Variants in CEP112 observed in about 807,000 individuals in gnomAD.
CEP112 encodes the protein centrosomal protein of 112 kDa.
CEP112 carries 127 observed loss-of-function variants against 153.0 expected under a neutral mutation model. The observed-to-expected ratio is 0.83, with a 90% CI of 0.72 to 0.96. The LOEUF (loss-of-function observed/expected upper bound fraction) is 0.96. Ranked by LOEUF, CEP112 falls within the 40% of genes least tolerant of loss-of-function variation. The pLI is 0.00. For synonymous variants in CEP112, 358 were observed against 374.4 expected (o/e 0.96, Z 0.51); for missense variants, 1,089 against 1,101.2 (o/e 0.99, Z 0.16).
intron 16 of CEP112, among the ~76,000 whole-genome samples, chr17:66,011,176 T>C (rs1050873363): frequency 6.6e-6 from 1 of 152,096 alleles, no homozygotes; most frequent in Non-Finnish European, 1.5e-5. Flanking sequence ...TACTTCCTGG[T>C]TCAGTATTGG....
At chr17:66,076,443 C>A (rs1307617728) in intron 8 of CEP112, among the ~76,000 whole-genome samples, 1 of 152,104 alleles carries the variant, frequency 6.6e-6, no homozygotes, top group Admixed American at 6.5e-5. Flanking sequence ...CCTTCCCTCA[C>A]TTCCCTGACA....
intron 24 of CEP112, among the ~76,000 whole-genome samples, chr17:65,650,261 G>A (rs1301338442): frequency 6.6e-6 from 1 of 152,138 alleles, no homozygotes; most frequent in East Asian, 1.9e-4. Flanking sequence ...GCAGATCTAG[G>A]CACCCAGGGG....
intron 13 of CEP112, 51 bp from the exon 14 acceptor site, chr17:66,029,303 T>A: frequency 6.6e-7 from 1 of 1,504,798 alleles, no homozygotes; most frequent in Non-Finnish European, 9.0e-7. Context: ...AACCAATCTC[T>A]AAAATGAAAT....
chr17:66,101,630 TAA>T lies in CEP112; in HGVS notation c.643-5000_643-4999del, dbSNP rs35682317. On this transcript the variant is annotated intron_variant, in intron 6 of 26. Transcript: ENST00000535342. Reference sequence around the variant, plus strand: ...TTGAATATTTTCATCATAAAAATTGTAAAAAAAAAAACTGGTTTCTTTAACAA... The same window carrying T: ...TTGAATATTTTCATCATAAAAATTGTAAAAAAAAACTGGTTTCTTTAACAA... Among the ~76,000 whole-genome samples the T allele has an allele frequency of 1.6e-4, 24 of 150,252 alleles. No individual in the cohort carries two copies. In the South Asian group the frequency reaches 1.9e-3, roughly 12 times the overall value.
chr17:65,721,167 T>C (rs528937255), intron 23 of CEP112, among the ~76,000 whole-genome samples: 7 of 152,178 alleles, frequency 4.6e-5, no homozygotes, highest in East Asian at 1.9e-4. Context: ...CTCGCTACCA[T>C]GCCTGGCTAA....
intron 16 of CEP112, among the ~76,000 whole-genome samples, chr17:66,020,832 G>A (rs1392517848): frequency 6.6e-6 from 1 of 152,066 alleles, no homozygotes; most frequent in Admixed American, 6.5e-5. Flanking sequence ...TGTTTTTCCC[G>A]AGATGGTGGA....
intron 17 of CEP112, among the ~76,000 whole-genome samples, chr17:66,000,769 G>A (rs2064007244): frequency 6.6e-6 from 1 of 152,188 alleles, no homozygotes; most frequent in African/African-American, 2.4e-5. Flanking sequence ...AAGTTGTGCA[G>A]GGCAAGCCTG....
intron 24 of CEP112, among the ~76,000 whole-genome samples, chr17:65,687,227 C>G (rs956088180): frequency 7.7e-6 from 1 of 130,658 alleles, no homozygotes; most frequent in African/African-American, 3.0e-5. Context: ...AGCGCAGTGG[C>G]GTGATCTCGG....
chr17:66,141,058 C>G (rs1023431093), intron 4 of CEP112, among the ~76,000 whole-genome samples: 2 of 152,034 alleles, frequency 1.3e-5, no homozygotes, highest in African/African-American at 4.8e-5. Flanking sequence ...TTCATATTAT[C>G]TCTGTATTGG....
intron 12 of CEP112, among the ~76,000 whole-genome samples, chr17:66,039,076 A>G (rs1218610903): frequency 6.6e-6 from 1 of 152,192 alleles, no homozygotes; most frequent in African/African-American, 2.4e-5. Context: ...AAAAACATAA[A>G]TCTTCCAGGT....
At chr17:65,639,783 G>A (rs967149933) in intron 25 of CEP112, among the ~76,000 whole-genome samples, 1 of 147,968 alleles carries the variant, frequency 6.8e-6, no homozygotes, top group African/African-American at 2.5e-5. Flanking sequence ...CATGTTAGAA[G>A]TTTTTCTCAC....
At chr17:65,730,549 G>C (rs942005935) in intron 23 of CEP112, among the ~76,000 whole-genome samples, 1 of 152,072 alleles carries the variant, frequency 6.6e-6, no homozygotes, top group Non-Finnish European at 1.5e-5. Flanking sequence ...CACTTTCCTT[G>C]TGCCCTACGG....
intron 23 of CEP112, among the ~76,000 whole-genome samples, chr17:65,726,853 T>G (rs1314107257): frequency 6.6e-6 from 1 of 152,204 alleles, no homozygotes; most frequent in Non-Finnish European, 1.5e-5. Context: ...CAATCTTGCC[T>G]CATTTTCAAA....
intron 17 of CEP112, among the ~76,000 whole-genome samples, chr17:65,962,943 G>A (rs34965243): frequency 0.48 from 73,083 of 152,034 alleles, 18,565 homozygotes; most frequent in East Asian, 0.89. Context: ...TGTGAAAATG[G>A]ACTAATACAG....
At chr17:65,809,256 G>T (rs183847849) in intron 21 of CEP112, among the ~76,000 whole-genome samples, 1 of 152,194 alleles carries the variant, frequency 6.6e-6, no homozygotes, top group African/African-American at 2.4e-5. Flanking sequence ...TGTAACTGAG[G>T]GGGAGAGGAG....
intron 24 of CEP112, among the ~76,000 whole-genome samples, chr17:65,672,917 A>G (rs2047056854): frequency 6.6e-6 from 1 of 152,252 alleles, no homozygotes; most frequent in African/African-American, 2.4e-5. Flanking sequence ...CTATTTGGAA[A>G]GGAAACTAGT....
At position 66,113,397 on chromosome 17, in the gene CEP112, T is replaced by C. The variant is rs183234650; in HGVS notation, c.642+16349A>G. 6.7e-4 allele frequency among the ~76,000 whole-genome samples: 102 copies of C among 152,142 alleles called. 1 individual carries two copies. Among genetic ancestry groups the C allele is most frequent in the African/African-American group, 2.4e-3 (99 of 41,534 alleles). On this transcript the variant is annotated intron_variant, in intron 6 of 26. Transcript: ENST00000535342. ...CAACTCATGAAGCAGAATCAAAATA[T>C]AAAGGAAAAAATAAAGAGGAAACAG...
chr17:65,813,895 A>T (rs2056124039), intron 21 of CEP112, among the ~76,000 whole-genome samples: 1 of 152,192 alleles, frequency 6.6e-6, no homozygotes, highest in Admixed American at 6.6e-5. Context: ...TATGACATTG[A>T]CAATGTCAAC....
intron 23 of CEP112, among the ~76,000 whole-genome samples, chr17:65,706,036 A>C (rs1047163691): frequency 6.6e-6 from 1 of 152,192 alleles, no homozygotes; most frequent in Non-Finnish European, 1.5e-5. Flanking sequence ...AATGTGACCA[A>C]ATCTTGATAG....
Sources: gnomAD v4.1 joint callset for allele counts (sites outside exome capture counted in the v4.1 genomes callset) on GRCh38, gnomAD v4.1.1 for gene constraint, MANE v1.5 for transcripts, NCBI Gene and HGNC (gene_info 2026-07-23, HGNC 2026-07-21) for gene names.